LRRC69: variants seen among roughly 807,000 people sequenced by gnomAD.
LRRC69 encodes the protein leucine rich repeat containing 69.
LRRC69 carries 42 observed loss-of-function variants against 37.8 expected under a neutral mutation model. The ratio of observed to expected loss-of-function variants is 1.11; its 90% CI spans 0.87 to 1.44. LRRC69 has a LOEUF of 1.44. LRRC69 is among the 40% of genes most tolerant of loss of function. The pLI is 0.00. For synonymous variants in LRRC69, 141 were observed against 143.1 expected, an observed-to-expected ratio of 0.99 and a Z score of 0.11; for missense variants, 357 against 401.9, an observed-to-expected ratio of 0.89 and a Z score of 0.96.
At chr8:91,165,597 A>G (rs937843694) in intron 5 of LRRC69, among the ~76,000 whole-genome samples, 1 of 151,696 alleles carries the variant, frequency 6.6e-6, no homozygotes, top group Admixed American at 6.6e-5. Context: ...TTTGGACCTC[A>G]GATTTTTTTC....
intron 6 of LRRC69, among the ~76,000 whole-genome samples, chr8:91,196,482 C>G (rs1809603214): frequency 6.6e-6 from 1 of 152,074 alleles, no homozygotes; most frequent in Non-Finnish European, 1.5e-5. Context: ...TCAGGTACAC[C>G]AAGCAGACGT....
At chr8:91,157,173 A>C in intron 5 of LRRC69, 1 of 764,116 alleles carries the variant, frequency 1.3e-6, no homozygotes, top group Non-Finnish European at 2.3e-6. Context: ...GTATTTTGAT[A>C]GGGATTGCTT....
chr8:91,164,247 G>A (rs1356441599), intron 5 of LRRC69, among the ~76,000 whole-genome samples: 1 of 151,602 alleles, frequency 6.6e-6, no homozygotes, highest in Non-Finnish European at 1.5e-5. Flanking sequence ...ATTAGAGGCA[G>A]TAAATATGGA....
At chr8:91,108,000 T>G (rs1813348273) in intron 1 of LRRC69, among the ~76,000 whole-genome samples, 2 of 152,028 alleles carry the variant, frequency 1.3e-5, no homozygotes, top group Admixed American at 1.3e-4. Context: ...GGAACAAAGG[T>G]TCCTCACAGG....
chr8:91,169,480 T>A (rs1809086692), intron 5 of LRRC69, among the ~76,000 whole-genome samples: 1 of 151,868 alleles, frequency 6.6e-6, no homozygotes, highest in Admixed American at 6.6e-5. Flanking sequence ...AAGAGTTTCC[T>A]GACACAAAGG....
At chr8:91,149,604 T>C (rs1373838381) in intron 5 of LRRC69, among the ~76,000 whole-genome samples, 1 of 152,004 alleles carries the variant, frequency 6.6e-6, no homozygotes, top group Admixed American at 6.6e-5. Flanking sequence ...TAAAGTAGTT[T>C]TTTCCAATTC....
At chr8:91,113,817 G>T (rs1363272146) in intron 1 of LRRC69, among the ~76,000 whole-genome samples, 1 of 151,524 alleles carries the variant, frequency 6.6e-6, no homozygotes, top group East Asian at 1.9e-4. Context: ...ATATGATGTG[G>T]TTAAAATACA....
chr8:91,168,726 T>G (rs915497728), intron 5 of LRRC69, among the ~76,000 whole-genome samples: 2 of 87,684 alleles, frequency 2.3e-5, no homozygotes, highest in Non-Finnish European at 4.9e-5. Flanking sequence ...TCTGTTTTTT[T>G]GTGTTTTGTG....
intron 5 of LRRC69, among the ~76,000 whole-genome samples, chr8:91,154,326 C>T (rs1014793434): frequency 1.3e-5 from 2 of 151,816 alleles, no homozygotes; most frequent in African/African-American, 4.8e-5. Context: ...CCCATTCCTT[C>T]TGAAACTATT....
intron 5 of LRRC69, among the ~76,000 whole-genome samples, chr8:91,138,395 T>G (rs1444978694): frequency 6.6e-6 from 1 of 151,960 alleles, no homozygotes; most frequent in Non-Finnish European, 1.5e-5. Context: ...ACTCAAAGAT[T>G]TGAAACTGCA....
chr8:91,106,920 GTAGT>G (rs1813324190), intron 1 of LRRC69, among the ~76,000 whole-genome samples: 1 of 151,578 alleles, frequency 6.6e-6, no homozygotes, highest in Non-Finnish European at 1.5e-5. Flanking sequence ...AGCTTCCCAA[GTAGT>G]TGGGGCTACA....
intron 7 of LRRC69, among the ~76,000 whole-genome samples, chr8:91,209,017 C>T (rs1809856831): frequency 6.6e-6 from 1 of 152,178 alleles, no homozygotes; most frequent in South Asian, 2.1e-4. Context: ...TGACTAAAGA[C>T]ACCAAGTTGA....
At chr8:91,166,033 A>G (rs1449048894) in intron 5 of LRRC69, among the ~76,000 whole-genome samples, 1 of 151,840 alleles carries the variant, frequency 6.6e-6, no homozygotes, top group Non-Finnish European at 1.5e-5. Context: ...AGTAGAAAAC[A>G]CATGAACTTT....
intron 6 of LRRC69, among the ~76,000 whole-genome samples, chr8:91,192,313 CATGT>C (rs1468744315): frequency 1.3e-5 from 2 of 152,172 alleles, no homozygotes; most frequent in Middle Eastern, 3.4e-3. Flanking sequence ...CATACGTGTG[CATGT>C]GTCTTTACAG....
At position 91,125,278 on chromosome 8, in the gene LRRC69, A is replaced by C. The variant is rs928761221; in HGVS notation, c.310+659A>C. Among the ~76,000 whole-genome samples the C allele has an allele frequency of 4.0e-5, 6 of 151,832 alleles. No homozygotes were observed. In the Admixed American group the frequency reaches 4.0e-4, roughly 10 times the overall value. On this transcript the variant is annotated intron_variant, in intron 2 of 7. Transcript: ENST00000448384. ...GTAGTAAAATGAGAGAAATATTATA[A>C]AATTTATAAATTTCTATGAACTTTT...
chr8:91,175,823 T>G (rs1164703977), intron 5 of LRRC69, among the ~76,000 whole-genome samples: 2 of 152,054 alleles, frequency 1.3e-5, no homozygotes, highest in Non-Finnish European at 2.9e-5. Context: ...GAGTTTTTTT[T>G]TTTTGAGCAG....
intron 6 of LRRC69, among the ~76,000 whole-genome samples, chr8:91,196,642 C>A (rs533265886): frequency 1.9e-3 from 286 of 152,244 alleles, no homozygotes; most frequent in Middle Eastern, 3.4e-3. Context: ...CGCATCAGCT[C>A]CTGAGGCTTC....
At chr8:91,127,254 C>T (rs1310940697) in intron 3 of LRRC69, 94 bp downstream of exon 3, 3 of 921,682 alleles carry the variant, frequency 3.3e-6, no homozygotes, top group South Asian at 1.7e-5. Context: ...GCATAAGTCC[C>T]TGTGAGATTT....
chr8:91,105,066 A>G (rs1813285872), intron 1 of LRRC69, among the ~76,000 whole-genome samples: 1 of 151,988 alleles, frequency 6.6e-6, no homozygotes, highest in African/African-American at 2.4e-5. Context: ...GTCTCAGCCC[A>G]GTGCTTACTT....
Sources: allele counts gnomAD v4.1 joint callset (sites outside exome capture counted in the v4.1 genomes callset), GRCh38; gene constraint gnomAD v4.1.1; transcripts MANE v1.5; gene names NCBI Gene and HGNC (gene_info 2026-07-23, HGNC 2026-07-21).